MED1: variants seen among roughly 807,000 people sequenced by gnomAD.
MED1 encodes mediator complex subunit 1.
MED1 carries 17 observed loss-of-function variants against 121.3 expected under a neutral mutation model. That is an observed-to-expected ratio of 0.14 (90% CI 0.10 to 0.21). The LOEUF (loss-of-function observed/expected upper bound fraction) is 0.21. Ranked by LOEUF, MED1 falls within the 10% of genes least tolerant of loss-of-function variation. MED1 has a pLI of 1.00. For synonymous variants in MED1, 661 were observed against 694.4 expected, an observed-to-expected ratio of 0.95 and a Z score of 0.76; for missense variants, 1,558 against 1,919.4, an observed-to-expected ratio of 0.81 and a Z score of 3.52.
rs375115912 is a variant in MED1, at chr17:39,423,437, A to G, written c.985T>C (p.Leu329=). Residue 329 remains leucine (L), a synonymous_variant, in exon 13 of 17, where the codon TTG becomes CTG. Transcript: ENST00000300651. ...GCATAAGTTGGTTGAGTTTCAAACA[A>G]TGGAATTCCTGGAAAAACAAGAATC... is the stretch of plus-strand genomic sequence containing the variant. ...QKLQNCTGIP[L]FETQPTYAPL... 25 of 1,610,008 alleles carry G rather than the reference A, an allele frequency of 1.6e-5. No homozygotes were observed. The African/African-American group carries it at 1.7e-4, about 11-fold the overall frequency.
intron 6 of MED1, among the ~76,000 whole-genome samples, chr17:39,435,477 T>C (rs2048609699): frequency 6.6e-6 from 1 of 151,916 alleles, no homozygotes; most frequent in Admixed American, 6.6e-5. Flanking sequence ...TTGATATCTT[T>C]TTTCAAACTT....
chr17:39,427,619 CATT>C, intron 10 of MED1, 79 bp downstream of exon 10: 1 of 992,160 alleles, frequency 1.0e-6, no homozygotes, highest in Non-Finnish European at 1.5e-6. Context: ...TCAACAAACT[CATT>C]AGAGAATAGC....
At chr17:39,432,694 C>T (rs545806544) in intron 7 of MED1, among the ~76,000 whole-genome samples, 6 of 151,034 alleles carry the variant, frequency 4.0e-5, no homozygotes, top group African/African-American at 1.5e-4. Flanking sequence ...GTGGAGGTTG[C>T]AGTGAACCGA....
intron 10 of MED1, among the ~76,000 whole-genome samples, chr17:39,426,829 C>T (rs1313814157): frequency 2.0e-5 from 3 of 151,950 alleles, no homozygotes; most frequent in Admixed American, 6.6e-5. Flanking sequence ...CCACCGCGCC[C>T]GGCAGTCTAT....
Position 39,406,016 on chromosome 17 carries a change from T to C in MED1, c.*1459A>G, listed in dbSNP as rs1364487358. 3.3e-5 allele frequency: 33 copies of C among 985,248 alleles called. No individual in the cohort carries two copies. The highest frequency in any genetic ancestry group is 6.2e-5 in the Admixed American group (1 of 16,236). 61.0% of individuals were successfully genotyped at this position (985,248 alleles called of 1,614,324 possible). ...GAATGGCACAGTGCAGGTGTCAATA[T>C]CAAAGTAAGGCCGCAGAATTTTTGA... On this transcript the variant is annotated 3_prime_UTR_variant, in exon 17 of 17. Transcript: ENST00000300651.
chr17:39,429,572 T>C (rs547991378), intron 9 of MED1, among the ~76,000 whole-genome samples: 4 of 151,766 alleles, frequency 2.6e-5, no homozygotes, highest in African/African-American at 9.7e-5. Context: ...GGCACGTGCC[T>C]GTAATCCCAG....
chr17:39,415,030 G>T lies in MED1; in HGVS notation c.1495C>A (p.Gln499Lys). ...CTDDFIAKVVQRCMSIPVTMR... is the reference protein window; with the variant it reads ...CTDDFIAKVVKRCMSIPVTMR... ...ATGAAAAAGGGCCAAGGCTACCTTTGAACAACTTTGGCAATGAAGTCATCT... is the reference window on the plus strand; with the variant it reads ...ATGAAAAAGGGCCAAGGCTACCTTTTAACAACTTTGGCAATGAAGTCATCT... Residue 499 changes from glutamine (Q) to lysine (K), a missense_variant, in exon 16 of 17, where the codon CAA becomes AAA. Coordinates refer to ENST00000300651, the MANE Select transcript of MED1 (RefSeq NM_004774.4). 1 of 1,613,528 alleles carries T rather than the reference G, an allele frequency of 6.2e-7. No homozygotes were observed. Among genetic ancestry groups the T allele is most frequent in the South Asian group, 1.1e-5 (1 of 91,002 alleles).
chr17:39,437,112 A>C (rs181504315), intron 6 of MED1, among the ~76,000 whole-genome samples: 1 of 152,222 alleles, frequency 6.6e-6, no homozygotes, highest in Non-Finnish European at 1.5e-5. Flanking sequence ...TTGTATTTTT[A>C]GTAGAGACGG....
rs1230380606 is a variant in MED1 at position 39,405,164 on chromosome 17, T to C, written c.*2311A>G. The C allele has an allele frequency of 1.3e-6, 2 of 1,501,134 alleles. No homozygotes were observed. The highest frequency in any genetic ancestry group is 2.8e-5 in the African/African-American group (2 of 71,760). 93.0% of individuals were successfully genotyped at this position (1,501,134 alleles called of 1,614,324 possible). A position where few individuals can be genotyped will look rare whatever the true frequency, so the allele number is the denominator to read the frequency against. On this transcript the variant is annotated 3_prime_UTR_variant, in exon 17 of 17. Coordinates refer to ENST00000300651, the MANE Select transcript of MED1 (RefSeq NM_004774.4). ...TCCTCCACCCTGTGGAGAAATGCAG[T>C]GCTCCCTGGTTCTCAGGCAGGGTGA...
intron 14 of MED1, among the ~76,000 whole-genome samples, chr17:39,416,260 C>T (rs2048408380): frequency 6.6e-6 from 1 of 152,130 alleles, no homozygotes; most frequent in African/African-American, 2.4e-5. Context: ...ATAAAAGTGG[C>T]CGAGTGTCTC....
In MED1 at chr17:39,408,568, G is replaced by A. The variant is rs1343666767; in HGVS notation, c.3653C>T (p.Ser1218Phe). 1 of 1,614,192 alleles carries A rather than the reference G, an allele frequency of 6.2e-7. No individual in the cohort carries two copies. Among genetic ancestry groups the A allele is most frequent in the Non-Finnish European group, 8.5e-7 (1 of 1,180,034 alleles). ...PMKPVPGTPP[S>F]SKAKSPISSG... ...ACTGATAGGGGACTTGGCTTTAGAG[G>A]ATGGAGGAGTTCCAGGAACAGGCTT... The change falls in exon 17 of 17, where the codon TCC (serine) becomes TTC (phenylalanine). Residue 1218 changes from serine to phenylalanine, a missense_variant. Physicochemically the swap from Ser to Phe is radical, Grantham distance 155 (BLOSUM62 -2). Coordinates refer to ENST00000300651, the MANE Select transcript of MED1 (RefSeq NM_004774.4). The surrounding 1 kb of genome is among the most constrained non-coding windows in gnomAD (Gnocchi z 4.7).
chr17:39,447,308 T>C (rs571290229), intron 2 of MED1, among the ~76,000 whole-genome samples: 1 of 151,958 alleles, frequency 6.6e-6, no homozygotes, highest in South Asian at 2.1e-4. Flanking sequence ...GAAGAATCAC[T>C]TGAACCTGGG....
intron 14 of MED1, among the ~76,000 whole-genome samples, chr17:39,418,583 A>G (rs368972891): frequency 1.2e-4 from 18 of 152,142 alleles, no homozygotes; most frequent in African/African-American, 2.9e-4. Flanking sequence ...TACCTTATGT[A>G]TATCTGCTAC....
chr17:39,414,153 G>C (rs946439522), intron 16 of MED1, among the ~76,000 whole-genome samples: 1 of 151,470 alleles, frequency 6.6e-6, no homozygotes, highest in Non-Finnish European at 1.5e-5. Flanking sequence ...CTTGAACCCG[G>C]GAGGCAGAGG....
In MED1 at chr17:39,440,594, A is replaced by G. The variant is rs748832571; in HGVS notation, c.266+29T>C. 1 of 1,612,432 alleles carries G rather than the reference A, an allele frequency of 6.2e-7. No homozygotes were observed. Among genetic ancestry groups the G allele is most frequent in the Non-Finnish European group, 8.5e-7 (1 of 1,178,872 alleles). ...CCACCCAAAGTTAACACTAAGTTAA[A>G]CATTTCTGCCTACAGAAAGACTACT... On this transcript the variant is annotated intron_variant, in intron 4 of 16. Transcript: ENST00000300651. The surrounding 1 kb of genome is among the most constrained non-coding windows in gnomAD (Gnocchi z 4.1).
At chr17:39,442,316 G>A (rs1331917033) in intron 3 of MED1, among the ~76,000 whole-genome samples, 2 of 151,946 alleles carry the variant, frequency 1.3e-5, no homozygotes, top group East Asian at 3.9e-4. Flanking sequence ...TCCATCTTCT[G>A]GACAGGCATG....
chr17:39,449,744 A>C (rs1241525217), intron 1 of MED1, among the ~76,000 whole-genome samples: 3 of 149,254 alleles, frequency 2.0e-5, no homozygotes, highest in African/African-American at 7.4e-5. Flanking sequence ...TCCTAACCTC[A>C]GGTGATCCGC....
chr17:39,440,795 C>T lies in MED1; in HGVS notation c.212-118G>A, dbSNP rs1031060010. 1.5e-5 allele frequency: 15 copies of T among 974,648 alleles called. No homozygotes were observed. Among genetic ancestry groups the T allele is most frequent in the Non-Finnish European group, 2.0e-5 (13 of 638,536 alleles). The allele number at this position is 974,648 out of a possible 1,614,324, so 60.4% of individuals were successfully genotyped here. A position where few individuals can be genotyped will look rare whatever the true frequency, so the allele number is the denominator to read the frequency against. On this transcript the variant is annotated intron_variant, in intron 3 of 16. Coordinates refer to ENST00000300651, the MANE Select transcript of MED1 (RefSeq NM_004774.4). The surrounding 1 kb of genome is among the most constrained non-coding windows in gnomAD (Gnocchi z 4.1). Reference sequence around the variant, plus strand: ...GTAAACATATTCAGTAGTTCAAATGCTTGTAATTTACATAAAGTTCACTGA... The same window carrying T: ...GTAAACATATTCAGTAGTTCAAATGTTTGTAATTTACATAAAGTTCACTGA...
rs558445418 is a variant in MED1, at chr17:39,405,645, GTTAA to G, written c.*1826_*1829del. ...ACCCAAGACATTTGACTCTGATGTG[GTTAA>G]TTGATAACTTTTCTTGCTCCACTTT... On this transcript the variant is annotated 3_prime_UTR_variant, in exon 17 of 17. Coordinates refer to ENST00000300651, the MANE Select transcript of MED1 (RefSeq NM_004774.4). 53 of 1,054,146 alleles carry G rather than the reference GTTAA, an allele frequency of 5.0e-5. No homozygotes were observed. The South Asian group carries it at 1.8e-3, about 36-fold the overall frequency. 65.3% of individuals were successfully genotyped at this position (1,054,146 alleles called of 1,614,324 possible).
Sources: allele counts gnomAD v4.1 joint callset (sites outside exome capture counted in the v4.1 genomes callset), GRCh38; gene constraint gnomAD v4.1.1; non-coding constraint Gnocchi (gnomAD v3.1); transcripts MANE v1.5; gene names NCBI Gene and HGNC (gene_info 2026-07-23, HGNC 2026-07-21).